Variants in PDHX observed in about 807,000 individuals in gnomAD.
PDHX encodes pyruvate dehydrogenase complex component X.
A neutral mutation model predicts 55.3 loss-of-function variants in PDHX; 33 were observed. The ratio of observed to expected loss-of-function variants is 0.60; its 90% CI spans 0.45 to 0.80. The LOEUF (loss-of-function observed/expected upper bound fraction) is 0.80. Ranked by LOEUF, PDHX falls within the 30% of genes least tolerant of loss-of-function variation. The pLI, the probability that PDHX is intolerant of heterozygous loss-of-function variation, is 0.00. For missense variants in PDHX, 622 were observed against 619.9 expected (o/e 1.00, Z -0.04); for synonymous variants, 226 against 219.4 (o/e 1.03, Z -0.27).
At position 34,988,797 on chromosome 11, in the gene PDHX, C is replaced by T. The variant is rs1280201966; in HGVS notation, c.1183-3518C>T. On this transcript the variant is annotated intron_variant, in intron 9 of 10. Coordinates refer to ENST00000227868, the MANE Select transcript of PDHX (RefSeq NM_003477.3). ...TTTCACTTTGTGTGGTTTCAGTTAC[C>T]CGTGGTCAACCACAGTTGAAAATAG... 4.6e-5 allele frequency among the ~76,000 whole-genome samples: 7 copies of T among 152,178 alleles called. No individual in the cohort carries two copies. The South Asian group carries it at 1.5e-3, about 32-fold the overall frequency.
chr11:34,967,753 C>T (rs944465893), intron 6 of PDHX, among the ~76,000 whole-genome samples: 1 of 152,044 alleles, frequency 6.6e-6, no homozygotes, highest in African/African-American at 2.4e-5. Context: ...GAACTATATA[C>T]CATATGATAT....
chr11:34,958,799 C>T (rs1417650501), intron 4 of PDHX, among the ~76,000 whole-genome samples: 1 of 152,154 alleles, frequency 6.6e-6, no homozygotes, highest in Non-Finnish European at 1.5e-5. Flanking sequence ...TCATCAGAGA[C>T]TCGCATGAAT....
At chr11:34,957,044 C>T (rs1448642516) in intron 3 of PDHX, among the ~76,000 whole-genome samples, 4 of 152,150 alleles carry the variant, frequency 2.6e-5, no homozygotes, top group African/African-American at 9.7e-5. Context: ...GATATGTAGC[C>T]ACAGGCTCCT....
chr11:34,990,953 T>C (rs1177568335), intron 9 of PDHX, among the ~76,000 whole-genome samples: 2 of 152,200 alleles, frequency 1.3e-5, no homozygotes, highest in African/African-American at 4.8e-5. Flanking sequence ...ATTTATTTTA[T>C]CTACCCAAAT....
intron 1 of PDHX, among the ~76,000 whole-genome samples, chr11:34,927,489 A>C (rs79742177): frequency 0.012 from 1,849 of 152,164 alleles, 31 homozygotes; most frequent in African/African-American, 0.043. Context: ...AGGAGTCTAG[A>C]AAAGTCTACA....
At chr11:34,916,175 C>T, upstream of PDHX, 1 of 1,578,484 alleles carries the variant, frequency 6.3e-7, no homozygotes, top group South Asian at 1.1e-5. Flanking sequence ...CCGCCGGGTC[C>T]CGCCTGGGCC....
At chr11:34,916,532 G>GC (rs1853708279), upstream of PDHX, 13 of 1,474,610 alleles carry the variant, frequency 8.8e-6, no homozygotes, top group Non-Finnish European at 1.1e-5. Context: ...GGGGGCGGGG[G>GC]TTCAAGTCTG....
chr11:34,988,512 A>G (rs1224965395), intron 9 of PDHX, among the ~76,000 whole-genome samples: 1 of 151,232 alleles, frequency 6.6e-6, no homozygotes, highest in African/African-American at 2.4e-5. Context: ...CTGTATGACT[A>G]TAGAGGTCAG....
intron 1 of PDHX, among the ~76,000 whole-genome samples, chr11:34,917,713 A>G (rs911345431): frequency 2.6e-5 from 4 of 152,162 alleles, no homozygotes; most frequent in African/African-American, 9.7e-5. Flanking sequence ...ACAAAGTCAT[A>G]TGGTAAGATG....
intron 5 of PDHX, among the ~76,000 whole-genome samples, chr11:34,962,088 G>A (rs1374462401): frequency 2.0e-5 from 3 of 152,170 alleles, no homozygotes; most frequent in Admixed American, 6.5e-5. Context: ...CTGAGGATTA[G>A]GAATAAGAGT....
At chr11:34,967,320 A>C (rs1216679700) in intron 6 of PDHX, among the ~76,000 whole-genome samples, 1 of 152,186 alleles carries the variant, frequency 6.6e-6, no homozygotes, top group Admixed American at 6.5e-5. Flanking sequence ...CCTATCAGAA[A>C]CCAAAATTTG....
chr11:34,970,169 A>G lies in PDHX; in HGVS notation c.847A>G (p.Ile283Val), dbSNP rs922049017. ...ATTCACTGAAATCCCCGCCAGCAAT[A>G]TTCGAAGAGTTATTGCCAAGAGATT... ...GTFTEIPASN[I>V]RRVIAKRLTE... is the part of the protein sequence containing the mutation. The change falls in exon 7 of 11, where the codon ATT becomes GTT. Residue 283 changes from isoleucine (I) to valine (V), a missense_variant. Physicochemically the swap from Ile to Val is conservative, Grantham distance 29. Coordinates refer to ENST00000227868, the MANE Select transcript of PDHX (RefSeq NM_003477.3). 4 of 1,613,352 alleles carry G rather than the reference A, an allele frequency of 2.5e-6. No individual in the cohort carries two copies. Among genetic ancestry groups the G allele is most frequent in the Non-Finnish European group, 2.5e-6 (3 of 1,179,318 alleles).
At chr11:34,928,147 C>T (rs892839200) in intron 1 of PDHX, among the ~76,000 whole-genome samples, 1 of 151,862 alleles carries the variant, frequency 6.6e-6, no homozygotes, top group Non-Finnish European at 1.5e-5. Context: ...TGAATTGTGT[C>T]GTGACAACTG....
intron 2 of PDHX, 60 bp from the exon 3 acceptor site, chr11:34,947,446 A>C (rs1797849614): frequency 9.3e-7 from 1 of 1,074,952 alleles, no homozygotes; most frequent in African/African-American, 1.6e-5. Context: ...TCATACGTAC[A>C]TATATACATA....
At chr11:34,952,209 A>T (rs1854790313) in intron 3 of PDHX, among the ~76,000 whole-genome samples, 2 of 152,130 alleles carry the variant, frequency 1.3e-5, no homozygotes, top group East Asian at 3.8e-4. Flanking sequence ...TAGCTTACCA[A>T]CCAAAAAGAG....
At chr11:34,929,233 G>A (rs1273034875) in intron 1 of PDHX, among the ~76,000 whole-genome samples, 2 of 152,112 alleles carry the variant, frequency 1.3e-5, no homozygotes, top group Non-Finnish European at 2.9e-5. Flanking sequence ...AGTAAAAGTG[G>A]TATTTTTGTT....
intron 8 of PDHX, among the ~76,000 whole-genome samples, chr11:34,982,705 C>T (rs181696732): frequency 6.6e-6 from 1 of 152,218 alleles, no homozygotes; most frequent in East Asian, 1.9e-4. Context: ...CACATACACC[C>T]TCCCAAGACT....
chr11:34,937,047 G>A (rs899073535), intron 2 of PDHX, among the ~76,000 whole-genome samples: 2 of 152,054 alleles, frequency 1.3e-5, no homozygotes, highest in Non-Finnish European at 1.5e-5. Flanking sequence ...GCCTCCCAAA[G>A]TGCCGGGATT....
At chr11:34,916,417 G>A (rs756796889), upstream of PDHX, 3 of 1,500,552 alleles carry the variant, frequency 2.0e-6, no homozygotes, top group Non-Finnish European at 2.7e-6. Context: ...GGGGCGAACG[G>A]GGCGGGGGCC....
Sources: gnomAD v4.1 joint callset for allele counts (sites outside exome capture counted in the v4.1 genomes callset) on GRCh38, gnomAD v4.1.1 for gene constraint, MANE v1.5 for transcripts, NCBI Gene and HGNC (gene_info 2026-07-23, HGNC 2026-07-21) for gene names.